The following ANGPT1 variants were observed in gnomAD, a reference collection of about 807,000 sequenced individuals.
ANGPT1 encodes angiopoietin-1.
A neutral mutation model predicts 62.2 loss-of-function variants in ANGPT1; 17 were observed. The observed-to-expected ratio is 0.27, with a 90% confidence interval of 0.19 to 0.41. The LOEUF (loss-of-function observed/expected upper bound fraction) is 0.41, where lower values mean the gene tolerates loss of function less well. Among genes scored for constraint, ANGPT1 ranks in the 10% least tolerant of loss-of-function variants. The pLI, the probability that ANGPT1 is intolerant of heterozygous loss-of-function variation, is 1.00. For missense variants in ANGPT1, 478 were observed against 594.9 expected (o/e 0.80, Z 2.04); for synonymous variants, 199 against 198.9 (o/e 1.00, Z 0.00).
chr8:107,373,328 A>C (rs981184270), intron 1 of ANGPT1, among the ~76,000 whole-genome samples: 1 of 152,098 alleles, frequency 6.6e-6, no homozygotes, highest in African/African-American at 2.4e-5. Context: ...AAAACATACA[A>C]ATTTTGAAGG....
At chr8:107,296,924 G>C in intron 5 of ANGPT1, among the ~76,000 whole-genome samples, 1 of 151,958 alleles carries the variant, frequency 6.6e-6, no homozygotes, top group Non-Finnish European at 1.5e-5. Context: ...CTGTTACCTA[G>C]ATTATTAAAA....
chr8:107,383,305 G>A (rs1319862293), intron 1 of ANGPT1, among the ~76,000 whole-genome samples: 1 of 152,098 alleles, frequency 6.6e-6, no homozygotes, highest in Non-Finnish European at 1.5e-5. Flanking sequence ...CTCCAAGAAA[G>A]GGCTGGATGT....
intron 3 of ANGPT1, among the ~76,000 whole-genome samples, chr8:107,330,330 G>GCACTAAGTCACACAAA (rs1298652174): frequency 6.6e-6 from 1 of 152,108 alleles, no homozygotes; most frequent in African/African-American, 2.4e-5. Flanking sequence ...CAAATAATAT[G>GCACTAAGTCACACAAA]TGACTTAGTC....
chr8:107,433,180 A>G (rs2130410897), intron 1 of ANGPT1, among the ~76,000 whole-genome samples: 1 of 152,236 alleles, frequency 6.6e-6, no homozygotes, highest in South Asian at 2.1e-4. Flanking sequence ...TGTTTTTTTC[A>G]TTTTGTGCTA....
chr8:107,318,497 A>G (rs1003439201), intron 4 of ANGPT1, among the ~76,000 whole-genome samples: 9 of 152,222 alleles, frequency 5.9e-5, no homozygotes, highest in Non-Finnish European at 1.2e-4. Context: ...TCTTTATCAT[A>G]TAACTTTAAT....
intron 4 of ANGPT1, among the ~76,000 whole-genome samples, chr8:107,306,947 C>T (rs539115163): frequency 1.1e-4 from 17 of 151,964 alleles, no homozygotes; most frequent in African/African-American, 3.1e-4. Context: ...GAAGCATCAC[C>T]GAACAGATGT....
At chr8:107,411,484 C>A (rs1038427506) in intron 1 of ANGPT1, among the ~76,000 whole-genome samples, 9 of 151,620 alleles carry the variant, frequency 5.9e-5, no homozygotes. Flanking sequence ...AAATTCAGAG[C>A]AAAAATACAC....
chr8:107,278,552 T>A (rs2130105982), intron 7 of ANGPT1, among the ~76,000 whole-genome samples: 1 of 152,320 alleles, frequency 6.6e-6, no homozygotes, highest in East Asian at 1.9e-4. Context: ...TGAATCCCCT[T>A]CATTGTAAGG....
chr8:107,321,773 C>A lies in ANGPT1; in HGVS notation c.808+123G>T. 4.2e-6 allele frequency: 3 copies of A among 721,368 alleles called. No individual in the cohort carries two copies. The South Asian group carries it at 6.9e-5, about 17-fold the overall frequency. The allele number at this position is 721,368 out of a possible 1,614,324, so 44.7% of individuals were successfully genotyped here. A position where few individuals can be genotyped will look rare whatever the true frequency, so the allele number is the denominator to read the frequency against. ...AACATAACTTCATAAATGATTCTAA[C>A]CATAAAGTTCTTCTGCTATTTTTTA... is the stretch of plus-strand genomic sequence containing the variant. On this transcript the variant is annotated intron_variant, in intron 4 of 8. Coordinates refer to ENST00000517746, the MANE Select transcript of ANGPT1 (RefSeq NM_001146.5).
At chr8:107,361,757 G>A (rs958547215) in intron 1 of ANGPT1, among the ~76,000 whole-genome samples, 2 of 151,876 alleles carry the variant, frequency 1.3e-5, no homozygotes, top group African/African-American at 2.4e-5. Flanking sequence ...CGGAATGGTA[G>A]TTTAAATGTC....
intron 1 of ANGPT1, among the ~76,000 whole-genome samples, chr8:107,476,629 C>A (rs1389028563): frequency 6.6e-6 from 1 of 151,994 alleles, no homozygotes; most frequent in Non-Finnish European, 1.5e-5. Context: ...ACCTTAGGAT[C>A]GTCGTTTCCT....
At chr8:107,407,242 T>C (rs1586296481) in intron 1 of ANGPT1, among the ~76,000 whole-genome samples, 1 of 148,940 alleles carries the variant, frequency 6.7e-6, no homozygotes, top group East Asian at 2.0e-4. Context: ...AGAGGGCAGA[T>C]CAAAACAGAA....
At chr8:107,478,852 A>G (rs1336613722) in intron 1 of ANGPT1, among the ~76,000 whole-genome samples, 1 of 152,114 alleles carries the variant, frequency 6.6e-6, no homozygotes, top group Non-Finnish European at 1.5e-5. Context: ...AAATAAAATA[A>G]TATCCTAAAG....
At chr8:107,350,347 C>A (rs1815905833) in intron 1 of ANGPT1, among the ~76,000 whole-genome samples, 1 of 152,040 alleles carries the variant, frequency 6.6e-6, no homozygotes, top group South Asian at 2.1e-4. Flanking sequence ...AATTGTACAT[C>A]AATTTCTTAT....
At chr8:107,270,077 A>G (rs1483101059) in intron 7 of ANGPT1, among the ~76,000 whole-genome samples, 1 of 152,038 alleles carries the variant, frequency 6.6e-6, no homozygotes, top group Non-Finnish European at 1.5e-5. Flanking sequence ...ATATTCCTAT[A>G]TATCATCCAA....
At chr8:107,263,847 C>G (rs553833508) in intron 8 of ANGPT1, among the ~76,000 whole-genome samples, 1 of 152,250 alleles carries the variant, frequency 6.6e-6, no homozygotes, top group African/African-American at 2.4e-5. Context: ...TAACTTACTA[C>G]ATAATTGCGA....
intron 4 of ANGPT1, among the ~76,000 whole-genome samples, chr8:107,310,909 ATG>A (rs977839510): frequency 1.3e-5 from 2 of 151,256 alleles, no homozygotes; most frequent in African/African-American, 4.8e-5. Flanking sequence ...GAGTGGGAAT[ATG>A]TGTGTGTGTG....
chr8:107,495,408 T>A (rs915748233), intron 1 of ANGPT1, among the ~76,000 whole-genome samples: 6 of 152,184 alleles, frequency 3.9e-5, no homozygotes, highest in Non-Finnish European at 7.3e-5. Flanking sequence ...ATCAAATTTA[T>A]TTTGCAAAAT....
At chr8:107,446,108 T>C (rs1627955) in intron 1 of ANGPT1, among the ~76,000 whole-genome samples, 149,132 of 152,104 alleles carry the variant, frequency 0.98, 73,116 homozygotes, top group East Asian at 1. Flanking sequence ...TAGTAGAGAC[T>C]GGGTTTCACC....
Sources: allele counts gnomAD v4.1 joint callset (sites outside exome capture counted in the v4.1 genomes callset), GRCh38; gene constraint gnomAD v4.1.1; transcripts MANE v1.5; gene names NCBI Gene and HGNC (gene_info 2026-07-23, HGNC 2026-07-21).